The following LOC128125817 variants were observed in gnomAD, a reference collection of about 807,000 sequenced individuals.
chr1:41,591,080 CATT>C, the LOC128125817 span, among the ~76,000 whole-genome samples: 1 of 152,212 alleles, frequency 6.6e-6, no homozygotes, highest in East Asian at 1.9e-4. Context: ...TAATAATCAT[CATT>C]GCTATTGGAG....
chr1:41,588,337 G>A, the LOC128125817 span, among the ~76,000 whole-genome samples: 5 of 152,248 alleles, frequency 3.3e-5, no homozygotes, highest in Non-Finnish European at 7.4e-5. Flanking sequence ...TGCTTCTTCC[G>A]ATGGATGGAT....
the LOC128125817 span, among the ~76,000 whole-genome samples, chr1:41,598,412 TAC>T: frequency 6.6e-6 from 1 of 152,062 alleles, no homozygotes; most frequent in African/African-American, 2.4e-5. Context: ...CAATAATATA[TAC>T]ACACACACAC....
chr1:41,608,552 C>T, the LOC128125817 span, among the ~76,000 whole-genome samples: 1 of 152,206 alleles, frequency 6.6e-6, no homozygotes, highest in Non-Finnish European at 1.5e-5. Context: ...ACTGCTAACC[C>T]ATTCCTTTTC....
the LOC128125817 span, among the ~76,000 whole-genome samples, chr1:41,595,410 C>T: frequency 6.6e-6 from 1 of 152,182 alleles, no homozygotes; most frequent in African/African-American, 2.4e-5. Context: ...CTCCATCCTG[C>T]TCTTACACTT....
At chr1:41,602,694 T>A in the LOC128125817 span, among the ~76,000 whole-genome samples, 1 of 152,106 alleles carries the variant, frequency 6.6e-6, no homozygotes, top group Admixed American at 6.5e-5. Context: ...CTTAGTTTCA[T>A]TGATTTTTTT....
chr1:41,604,891 CCCAGGAATTCGAGA>C, the LOC128125817 span, among the ~76,000 whole-genome samples: 2 of 151,900 alleles, frequency 1.3e-5, no homozygotes, highest in South Asian at 2.1e-4. Flanking sequence ...ACTGCTTGAG[CCCAGGAATTCGAGA>C]CCAGCTTGGG....
At chr1:41,615,394 C>T in the LOC128125817 span, among the ~76,000 whole-genome samples, 1 of 152,246 alleles carries the variant, frequency 6.6e-6, no homozygotes, top group African/African-American at 2.4e-5. Flanking sequence ...GGAGAACCCT[C>T]AGCCTGGCTT....
the LOC128125817 span, among the ~76,000 whole-genome samples, chr1:41,627,837 T>G: frequency 6.6e-6 from 1 of 152,242 alleles, no homozygotes; most frequent in Non-Finnish European, 1.5e-5. Flanking sequence ...AAGAGTCTGA[T>G]GCAGAGGGCA....
chr1:41,605,168 G>A, the LOC128125817 span, among the ~76,000 whole-genome samples: 7 of 126,578 alleles, frequency 5.5e-5, no homozygotes, highest in South Asian at 1.7e-3. Context: ...GTGGAGAGGG[G>A]AGGGGAGGGG....
chr1:41,590,663 T>A, the LOC128125817 span, among the ~76,000 whole-genome samples: 3 of 152,166 alleles, frequency 2.0e-5, no homozygotes, highest in African/African-American at 7.2e-5. Flanking sequence ...CACTAACTCA[T>A]CCAGGGGATT....
the LOC128125817 span, among the ~76,000 whole-genome samples, chr1:41,595,785 C>T: frequency 6.6e-6 from 1 of 152,158 alleles, no homozygotes; most frequent in Non-Finnish European, 1.5e-5. Context: ...ACTGGCTTAG[C>T]CTCCTGGCCT....
chr1:41,614,477 C>A, the LOC128125817 span, among the ~76,000 whole-genome samples: 1 of 152,216 alleles, frequency 6.6e-6, no homozygotes, highest in Non-Finnish European at 1.5e-5. Flanking sequence ...TGCAGGGCTT[C>A]AGTTCCTCGT....
chr1:41,617,534 G>A, the LOC128125817 span, among the ~76,000 whole-genome samples: 1 of 152,254 alleles, frequency 6.6e-6, no homozygotes, highest in Non-Finnish European at 1.5e-5. Flanking sequence ...GCATGCTCCT[G>A]AGGGCTGGTC....
At chr1:41,623,562 G>A in the LOC128125817 span, among the ~76,000 whole-genome samples, 4,519 of 152,244 alleles carry the variant, frequency 0.03, 77 homozygotes, top group Middle Eastern at 0.075. Context: ...CTAGCCCATG[G>A]CCTCCAAAAA....
chr1:41,592,159 G>A, the LOC128125817 span, among the ~76,000 whole-genome samples: 3 of 152,158 alleles, frequency 2.0e-5, no homozygotes, highest in East Asian at 1.9e-4. Flanking sequence ...TTTCTCTGGG[G>A]GTTGGTCTGT....
chr1:41,607,399 A>G, the LOC128125817 span, among the ~76,000 whole-genome samples: 6,271 of 152,246 alleles, frequency 0.041, 196 homozygotes, highest in Middle Eastern at 0.099. Context: ...CCATAATGAT[A>G]TTTTACAATT....
the LOC128125817 span, among the ~76,000 whole-genome samples, chr1:41,590,963 C>T: frequency 6.6e-6 from 1 of 152,160 alleles, no homozygotes; most frequent in African/African-American, 2.4e-5. Flanking sequence ...GCCTTAGTCT[C>T]CCCATCTGTA....
the LOC128125817 span, among the ~76,000 whole-genome samples, chr1:41,599,750 ATCT>A: frequency 6.6e-6 from 1 of 152,206 alleles, no homozygotes; most frequent in Non-Finnish European, 1.5e-5. Flanking sequence ...AAAATTTAAA[ATCT>A]TCTATGCGTG....
At chr1:41,613,616 G>T in the LOC128125817 span, among the ~76,000 whole-genome samples, 1 of 152,340 alleles carries the variant, frequency 6.6e-6, no homozygotes, top group East Asian at 1.9e-4. Context: ...CTAATGAGTA[G>T]AATTGTGTAA....
Sources: allele counts gnomAD v4.1 joint callset (sites outside exome capture counted in the v4.1 genomes callset), GRCh38; gene constraint gnomAD v4.1.1; transcripts MANE v1.5.